Variants in ACTL6A observed in about 807,000 individuals in gnomAD.
The protein encoded by ACTL6A is actin-like protein 6A.
A neutral mutation model predicts 59.2 loss-of-function variants in ACTL6A; 5 were observed. The observed-to-expected ratio is 0.08, with a 90% confidence interval of 0.04 to 0.18. The LOEUF (loss-of-function observed/expected upper bound fraction) is 0.18, where lower values mean the gene tolerates loss of function less well. Ranked by LOEUF, ACTL6A falls within the 10% of genes least tolerant of loss-of-function variation. The pLI is 1.00. For synonymous variants in ACTL6A, 154 were observed against 171.8 expected (o/e 0.90, Z 0.81); for missense variants, 285 against 526.9 (o/e 0.54, Z 4.49).
rs368596041 is a variant in ACTL6A at position 179,573,476 on chromosome 3, T to G, written c.378+7T>G. On this transcript the variant is annotated splice_region_variant and intron_variant, in intron 4 of 13. Coordinates refer to ENST00000429709, the MANE Select transcript of ACTL6A (RefSeq NM_004301.5). Reference sequence around the variant, plus strand: ...TCTCATGTCAGAGGCACCGGTGAGATAAAGATTTTCTTTTTCACGTTTCTC... The same window carrying G: ...TCTCATGTCAGAGGCACCGGTGAGAGAAAGATTTTCTTTTTCACGTTTCTC... 52 of 1,519,572 alleles carry G rather than the reference T, an allele frequency of 3.4e-5. No homozygotes were observed. In the Admixed American group the frequency reaches 5.1e-4, roughly 15 times the overall value. 94.1% of individuals were successfully genotyped at this position (1,519,572 alleles called of 1,614,324 possible). A position where few individuals can be genotyped will look rare whatever the true frequency, so the allele number is the denominator to read the frequency against.
intron 8 of ACTL6A, among the ~76,000 whole-genome samples, chr3:179,580,129 G>A (rs1293963620): frequency 3.3e-5 from 5 of 152,104 alleles, no homozygotes; most frequent in African/African-American, 1.2e-4. Context: ...TGTAATATAC[G>A]AGGAAAAATT....
At chr3:179,571,176 T>C (rs761192422) in intron 3 of ACTL6A, among the ~76,000 whole-genome samples, 1 of 152,056 alleles carries the variant, frequency 6.6e-6, no homozygotes, top group Non-Finnish European at 1.5e-5. Flanking sequence ...CCCAGCACTT[T>C]GGGAGGCTGA....
intron 1 of ACTL6A, among the ~76,000 whole-genome samples, chr3:179,568,237 A>G (rs1717898528): frequency 6.6e-6 from 1 of 152,074 alleles, no homozygotes; most frequent in Non-Finnish European, 1.5e-5. Flanking sequence ...GATACTTGCA[A>G]AGTAATGGGT....
intron 1 of ACTL6A, 61 bp from the exon 2 acceptor site, chr3:179,569,763 C>A: frequency 7.0e-7 from 1 of 1,438,238 alleles, no homozygotes; most frequent in Non-Finnish European, 9.8e-7. Context: ...CTGCAGTGAG[C>A]TGTGATTTTC....
At chr3:179,581,117 C>CT (rs777061683) in intron 10 of ACTL6A, 23 bp from the exon 11 acceptor site, 1 of 1,610,716 alleles carries the variant, frequency 6.2e-7, no homozygotes, top group Middle Eastern at 1.7e-4. Flanking sequence ...TTCCATGTGA[C>CT]TACTTGTTTT....
At chr3:179,581,800 G>T (rs142223841) in intron 11 of ACTL6A, among the ~76,000 whole-genome samples, 2 of 152,100 alleles carry the variant, frequency 1.3e-5, no homozygotes, top group African/African-American at 4.8e-5. Context: ...TCAGTGATAG[G>T]TTCTTGGAGA....
At position 179,581,061 on chromosome 3, in the gene ACTL6A, C is replaced by G. The variant is rs1199018835; in HGVS notation, c.945+53C>G. 5 of 1,596,590 alleles carry G rather than the reference C, an allele frequency of 3.1e-6. No homozygotes were observed. The African/African-American group carries it at 4.0e-5, about 13-fold the overall frequency. ...TGGCTTTTCCTATATAGGTAAAGAG[C>G]TTTTGTGGCTAAAATGTTTTGGATA... is the stretch of plus-strand genomic sequence containing the variant. On this transcript the variant is annotated intron_variant, in intron 10 of 13. Transcript: ENST00000429709.
rs76568638 is a variant in ACTL6A at position 179,575,566 on chromosome 3, A to C, written c.477-651A>C. ...TAAGCACCAGACTTAGTAGACACCT[A>C]ATAGATGCTCAGTAAATATTTGATG... is the stretch of plus-strand genomic sequence containing the variant. On this transcript the variant is annotated intron_variant, in intron 5 of 13. Transcript: ENST00000429709. 8.3e-3 allele frequency: 3,246 copies of C among 392,012 alleles called. 108 individuals carry two copies. The highest frequency in any genetic ancestry group is 0.063 in the African/African-American group (3,004 of 47,702). 24.3% of individuals were successfully genotyped at this position (392,012 alleles called of 1,614,324 possible).
chr3:179,563,139 A>G (rs1207470342), intron 1 of ACTL6A, 22 bp downstream of exon 1: 2 of 1,609,678 alleles, frequency 1.2e-6, no homozygotes, highest in East Asian at 2.2e-5. Context: ...CGGCCGGACG[A>G]GAGAGCGCGC....
chr3:179,563,704 C>T (rs1238456451), intron 1 of ACTL6A, among the ~76,000 whole-genome samples: 2 of 152,230 alleles, frequency 1.3e-5, no homozygotes, highest in Admixed American at 6.5e-5. Flanking sequence ...TAACTCTTGC[C>T]TGTTTTTTGG....
At chr3:179,572,602 C>T (rs1718042270) in intron 3 of ACTL6A, among the ~76,000 whole-genome samples, 1 of 151,982 alleles carries the variant, frequency 6.6e-6, no homozygotes, top group South Asian at 2.1e-4. Flanking sequence ...GTCAGGAGTT[C>T]GAGACCAGCC....
intron 1 of ACTL6A, among the ~76,000 whole-genome samples, chr3:179,567,870 T>C (rs1717883545): frequency 6.6e-6 from 1 of 152,104 alleles, no homozygotes; most frequent in Non-Finnish European, 1.5e-5. Flanking sequence ...TATGTCTCTG[T>C]TTTATTTGAA....
chr3:179,575,223 C>T (rs1039287643), intron 5 of ACTL6A: 20 of 356,790 alleles, frequency 5.6e-5, no homozygotes, highest in South Asian at 2.6e-4. Context: ...ACTTTCAGAC[C>T]GTGCTGAGGT....
chr3:179,575,982 G>A (rs1369485974), intron 5 of ACTL6A, among the ~76,000 whole-genome samples: 1 of 152,154 alleles, frequency 6.6e-6, no homozygotes, highest in Non-Finnish European at 1.5e-5. Context: ...CTAGGATAAA[G>A]GTTTCCCTGA....
rs1717944845 is a variant in ACTL6A at position 179,569,714 on chromosome 3, A to G, written c.26-110A>G. 1.0e-5 allele frequency: 9 copies of G among 894,282 alleles called. No homozygotes were observed. In the Admixed American group the frequency reaches 1.8e-4, roughly 18 times the overall value. 55.4% of individuals were successfully genotyped at this position (894,282 alleles called of 1,614,324 possible). A position where few individuals can be genotyped will look rare whatever the true frequency, so the allele number is the denominator to read the frequency against. On this transcript the variant is annotated intron_variant, in intron 1 of 13. Coordinates refer to ENST00000429709, the MANE Select transcript of ACTL6A (RefSeq NM_004301.5). ...CATTGTAGTCCCAGCTATTTGGAAG[A>G]CTGAGGCGGGAGGATTGCTTGAGCC...
Position 179,586,567 on chromosome 3 carries a change from G to A in ACTL6A, c.1144G>A (p.Ala382Thr). ...TCAGAGTATGCGGTTGAAATTGATTGCAAATAATACAACAGTGGAACGGAG... is the reference window on the plus strand; with the variant it reads ...TCAGAGTATGCGGTTGAAATTGATTACAAATAATACAACAGTGGAACGGAG... ...TPPSMRLKLIANNTTVERRFS... is the reference protein window; with the variant it reads ...TPPSMRLKLITNNTTVERRFS... The change falls in exon 13 of 14, where the codon GCA becomes ACA. Residue 382 changes from alanine (A) to threonine (T), a missense_variant. Physicochemically the swap from Ala to Thr is moderately conservative, Grantham distance 58 (BLOSUM62 0). Transcript: ENST00000429709. 1 of 1,591,356 alleles carries A rather than the reference G, an allele frequency of 6.3e-7. No individual in the cohort carries two copies. The highest frequency in any genetic ancestry group is 8.5e-7 in the Non-Finnish European group (1 of 1,172,878).
chr3:179,575,525 C>T, intron 5 of ACTL6A: 1 of 441,380 alleles, frequency 2.3e-6, no homozygotes, highest in Non-Finnish European at 4.5e-6. Flanking sequence ...TCCCTCCTTC[C>T]TCCCTCCCTC....
At chr3:179,580,795 CCTTT>C (rs1718314643) in intron 9 of ACTL6A, 94 bp downstream of exon 9, 1 of 1,338,598 alleles carries the variant, frequency 7.5e-7, no homozygotes, top group East Asian at 2.4e-5. Flanking sequence ...ATTCTCACTC[CCTTT>C]TTTTTTTTTA....
At chr3:179,583,320 A>T (rs1477430361) in intron 11 of ACTL6A, 33 bp from the exon 12 acceptor site, 6 of 1,518,728 alleles carry the variant, frequency 4.0e-6, no homozygotes, top group African/African-American at 1.4e-5. Context: ...AAACATATGG[A>T]ACTAATTGAT....
Sources: allele counts gnomAD v4.1 joint callset (sites outside exome capture counted in the v4.1 genomes callset), GRCh38; gene constraint gnomAD v4.1.1; transcripts MANE v1.5; gene names NCBI Gene and HGNC (gene_info 2026-07-23, HGNC 2026-07-21).